Variants in SLCO1B3 observed in about 807,000 individuals in gnomAD.
SLCO1B3 encodes the protein liver-specific organic anion transporter 2.
Under a neutral mutation model 71.8 loss-of-function variants are expected in SLCO1B3, and 72 were observed. The observed-to-expected ratio is 1.00, with a 90% CI of 0.83 to 1.22. SLCO1B3 has a LOEUF of 1.22. Among genes scored for constraint, SLCO1B3 ranks in the 50% most tolerant of loss-of-function variants. The probability of loss-of-function intolerance (pLI) is 0.00; values close to 1 mark genes in which losing one functional copy is unlikely to be tolerated. For synonymous variants in SLCO1B3, 298 were observed against 278.4 expected (o/e 1.07, Z -0.70); for missense variants, 911 against 819.7 (o/e 1.11, Z -1.36).
In SLCO1B3 at chr12:20,862,866, T is replaced by G. The variant is rs776415937; in HGVS notation, c.727+12T>G. 6 of 1,408,202 alleles carry G rather than the reference T, an allele frequency of 4.3e-6. No homozygotes were observed. Among genetic ancestry groups the G allele is most frequent in the Admixed American group, 1.7e-5 (1 of 58,528 alleles). The allele number at this position is 1,408,202 out of a possible 1,614,324, so 87.2% of individuals were successfully genotyped here. A position where few individuals can be genotyped will look rare whatever the true frequency, so the allele number is the denominator to read the frequency against. On this transcript the variant is annotated intron_variant, in intron 8 of 15. Transcript: ENST00000381545. The stretch of plus-strand genomic sequence containing the variant: ...ATATGTAGATCTGAGTAAGTACAAT[T>G]AGAACAAGGTACCATGATAGTGTCT...
chr12:20,909,933 A>T (rs967486689), intron 15 of SLCO1B3, among the ~76,000 whole-genome samples: 1 of 152,172 alleles, frequency 6.6e-6, no homozygotes, highest in Non-Finnish European at 1.5e-5. Flanking sequence ...CCAAACCTGG[A>T]ATATATGCCT....
At chr12:20,873,904 G>C (rs1224680391) in intron 8 of SLCO1B3, among the ~76,000 whole-genome samples, 2 of 152,110 alleles carry the variant, frequency 1.3e-5, no homozygotes, top group African/African-American at 4.8e-5. Flanking sequence ...ATGGCTTTCA[G>C]CTTCATACAT....
At chr12:20,870,897 G>A (rs143929692) in intron 8 of SLCO1B3, among the ~76,000 whole-genome samples, 1 of 152,180 alleles carries the variant, frequency 6.6e-6, no homozygotes, top group South Asian at 2.1e-4. Flanking sequence ...TATTATGAAG[G>A]GATGTTGAAT....
At chr12:20,869,277 C>T (rs948516829) in intron 8 of SLCO1B3, among the ~76,000 whole-genome samples, 3 of 152,222 alleles carry the variant, frequency 2.0e-5, no homozygotes, top group African/African-American at 7.2e-5. Flanking sequence ...AGGAGCCCTT[C>T]TGGTGGCCCT....
At chr12:20,817,822 C>G (rs369650855) in intron 3 of SLCO1B3, among the ~76,000 whole-genome samples, 2 of 151,980 alleles carry the variant, frequency 1.3e-5, no homozygotes, top group African/African-American at 4.8e-5. Flanking sequence ...GATCTCCTGA[C>G]CTCGTGATCC....
intron 8 of SLCO1B3, among the ~76,000 whole-genome samples, chr12:20,869,795 A>G (rs1487355424): frequency 6.6e-6 from 1 of 152,216 alleles, no homozygotes; most frequent in Non-Finnish European, 1.5e-5. Flanking sequence ...CAATGAACAT[A>G]CAAATGGAAA....
chr12:20,871,227 A>AT (rs1429876174), intron 8 of SLCO1B3, among the ~76,000 whole-genome samples: 4 of 152,076 alleles, frequency 2.6e-5, no homozygotes, highest in African/African-American at 9.7e-5. Flanking sequence ...CTGCTCCTCC[A>AT]TTTTTTGGAA....
intron 3 of SLCO1B3, among the ~76,000 whole-genome samples, chr12:20,825,631 A>G (rs12309099): frequency 0.015 from 2,226 of 152,032 alleles, 61 homozygotes; most frequent in African/African-American, 0.051. Flanking sequence ...CCCAGACTCT[A>G]TTAATAAATA....
In SLCO1B3 at chr12:20,904,298, A is replaced by G. The variant is rs150205296; in HGVS notation, c.1865+2831A>G. On this transcript the variant is annotated intron_variant, in intron 15 of 15. Coordinates refer to ENST00000381545, the MANE Select transcript of SLCO1B3 (RefSeq NM_019844.4). The stretch of plus-strand genomic sequence containing the variant: ...ATGGGGGTACAGGCATTTGGTAAAT[A>G]CTCTTATTCCAAATGGGAGAAATTG... Among the ~76,000 whole-genome samples the G allele has an allele frequency of 8.6e-4, 130 of 151,992 alleles. 1 individual carries two copies. The highest frequency in any genetic ancestry group is 1.6e-3 in the Non-Finnish European group (111 of 67,948).
intron 3 of SLCO1B3, among the ~76,000 whole-genome samples, chr12:20,851,443 T>C (rs560852087): frequency 3.0e-4 from 45 of 152,322 alleles, no homozygotes; most frequent in African/African-American, 1.0e-3. Flanking sequence ...TTTCATATGT[T>C]TATTGGCCAT....
chr12:20,899,671 C>G (rs529330998), intron 14 of SLCO1B3, among the ~76,000 whole-genome samples: 1 of 152,104 alleles, frequency 6.6e-6, no homozygotes, highest in Admixed American at 6.6e-5. Flanking sequence ...GATTCAGAGA[C>G]GATACCTCAC....
Position 20,861,025 on chromosome 12 carries a change from A to G in SLCO1B3, c.368A>G (p.Tyr123Cys). 6.3e-7 allele frequency: 1 copy of G among 1,580,910 alleles called. No homozygotes were observed. Among genetic ancestry groups the G allele is most frequent in the Non-Finnish European group, 8.6e-7 (1 of 1,158,464 alleles). ...TCATGTTGCTCTTACAGTTATAGGT[A>G]TTCTAAAGAAACCCATATTAATCCA... is the stretch of plus-strand genomic sequence containing the variant. ...LPHFFMGYYR[Y>C]SKETHINPSE... Residue 123 changes from tyrosine to cysteine, a missense_variant, in exon 6 of 16, where the codon TAT (tyrosine) becomes TGT (cysteine). Coordinates refer to ENST00000381545, the MANE Select transcript of SLCO1B3 (RefSeq NM_019844.4).
Position 20,862,662 on chromosome 12 carries a change from C to T in SLCO1B3, c.629-94C>T, listed in dbSNP as rs112661346. The T allele has an allele frequency of 1.0e-5, 15 of 1,432,576 alleles. No individual in the cohort carries two copies. The African/African-American group carries it at 1.4e-4, about 14-fold the overall frequency. 88.7% of individuals were successfully genotyped at this position (1,432,576 alleles called of 1,614,324 possible). ...CTTTTACCTATTAGAAAAATATTTGCAGAAGTGTATTGTATAATATTACTT... is the reference window on the plus strand; with the variant it reads ...CTTTTACCTATTAGAAAAATATTTGTAGAAGTGTATTGTATAATATTACTT... On this transcript the variant is annotated intron_variant, in intron 7 of 15. Transcript: ENST00000381545.
At chr12:20,858,332 G>C in intron 4 of SLCO1B3, 107 bp from the exon 5 acceptor site, 1 of 734,292 alleles carries the variant, frequency 1.4e-6, no homozygotes, top group Non-Finnish European at 2.2e-6. Context: ...TGGTCTTTGA[G>C]GGAAGGTACA....
At chr12:20,881,085 A>G in intron 12 of SLCO1B3, 65 bp downstream of exon 12, 1 of 1,200,230 alleles carries the variant, frequency 8.3e-7, no homozygotes, top group Non-Finnish European at 1.2e-6. Context: ...TTTAATAAAT[A>G]CTTATCAAAT....
At chr12:20,910,961 C>T (rs1440459950) in intron 15 of SLCO1B3, among the ~76,000 whole-genome samples, 1 of 150,536 alleles carries the variant, frequency 6.6e-6, no homozygotes. Context: ...TTTTTTTAAT[C>T]ACATGGACTT....
At chr12:20,838,148 T>A (rs2121160496) in intron 3 of SLCO1B3, among the ~76,000 whole-genome samples, 1 of 152,106 alleles carries the variant, frequency 6.6e-6, no homozygotes, top group South Asian at 2.1e-4. Context: ...ATTATTATTA[T>A]ACTTTAAGTT....
chr12:20,831,781 T>G (rs1390237124), intron 3 of SLCO1B3, among the ~76,000 whole-genome samples: 5 of 152,154 alleles, frequency 3.3e-5, no homozygotes, highest in Non-Finnish European at 7.4e-5. Flanking sequence ...ATTAAAACAA[T>G]GGTAAAAATA....
At chr12:20,889,602 G>C (rs1836074924) in intron 13 of SLCO1B3, among the ~76,000 whole-genome samples, 1 of 151,924 alleles carries the variant, frequency 6.6e-6, no homozygotes, top group Non-Finnish European at 1.5e-5. Flanking sequence ...TTTTGGTTAA[G>C]CTACTAGTAA....
Sources: gnomAD v4.1 joint callset for allele counts (sites outside exome capture counted in the v4.1 genomes callset) on GRCh38, gnomAD v4.1.1 for gene constraint, MANE v1.5 for transcripts, NCBI Gene and HGNC (gene_info 2026-07-23, HGNC 2026-07-21) for gene names.